The following CLEC12A variants were observed in gnomAD, a reference collection of about 807,000 sequenced individuals.
CLEC12A encodes C-type lectin domain family 12 member A.
In CLEC12A, 22 loss-of-function variants were observed where a neutral mutation model predicts 26.5. The observed-to-expected ratio is 0.83, with a 90% confidence interval of 0.59 to 1.19. The LOEUF (loss-of-function observed/expected upper bound fraction) is 1.19. Ranked by LOEUF, CLEC12A falls within the 50% of genes most tolerant of loss-of-function variation. CLEC12A has a pLI of 0.00. For missense variants in CLEC12A, 353 were observed against 315.6 expected (o/e 1.12, Z -0.90); for synonymous variants, 119 against 101.9 (o/e 1.17, Z -1.01).
downstream of CLEC12A, chr12:9,998,235 C>T: frequency 7.1e-7 from 1 of 1,414,548 alleles, no homozygotes. Flanking sequence ...CATGACCCTT[C>T]AGTATTACCT....
At chr12:9,972,100 A>C (rs997093872) in intron 1 of CLEC12A, among the ~76,000 whole-genome samples, 8 of 151,836 alleles carry the variant, frequency 5.3e-5, no homozygotes, top group African/African-American at 1.9e-4. Context: ...TCAGACAGAG[A>C]GACCTTTATA....
At position 9,980,693 on chromosome 12, in the gene CLEC12A, A is replaced by G. The variant is rs1864523033; in HGVS notation, c.491A>G (p.Gln164Arg). ...GAGAGTAAAATGGCCTGTGCTGCTCAGAATGCCAGCCTGTTGAAGATAAAC... is the reference window on the plus strand; with the variant it reads ...GAGAGTAAAATGGCCTGTGCTGCTCGGAATGCCAGCCTGTTGAAGATAAAC... ...WQESKMACAAQNASLLKINNK... is the reference protein window; with the variant it reads ...WQESKMACAARNASLLKINNK... Residue 164 changes from glutamine (Q) to arginine (R), a missense_variant, in exon 4 of 6, where the codon CAG (glutamine) becomes CGG (arginine). Gln to Arg is a conservative substitution (Grantham distance 43, BLOSUM62 1). Transcript: ENST00000304361. 6.2e-7 allele frequency: 1 copy of G among 1,613,764 alleles called. No homozygotes were observed. The highest frequency in any genetic ancestry group is 8.5e-7 in the Non-Finnish European group (1 of 1,179,796).
chr12:10,002,438 ATG>A, the CLEC12A span, among the ~76,000 whole-genome samples: 1 of 127,508 alleles, frequency 7.8e-6, no homozygotes. Flanking sequence ...AAGTTGGGTA[ATG>A]TTTTTTTTTT....
downstream of CLEC12A, chr12:9,997,416 T>C: frequency 1.3e-6 from 1 of 750,850 alleles, no homozygotes; most frequent in Non-Finnish European, 2.1e-6. Flanking sequence ...TAAATGAATG[T>C]TGAAAAGTGT....
In CLEC12A at chr12:9,978,991, G is replaced by A; in HGVS notation, c.117G>A (p.Trp39Ter). Reference sequence around the variant, plus strand: ...CACCTCCAGCTCCCTCTCATGTATGGCGTCCAGCAGCCTTGTTTCTGACTC... The same window carrying A: ...CACCTCCAGCTCCCTCTCATGTATGACGTCCAGCAGCCTTGTTTCTGACTC... The part of the protein sequence containing the change: ...EKAPPAPSHV[W>*]RPAALFLTLL... Residue 39 changes from tryptophan (W) to a stop codon, truncating the protein, a stop_gained, in exon 2 of 6, where the codon TGG (tryptophan) becomes TGA (stop). Coordinates refer to ENST00000304361, the MANE Select transcript of CLEC12A (RefSeq NM_138337.6). LOFTEE classifies it high-confidence loss of function. 6.2e-7 allele frequency: 1 copy of A among 1,613,840 alleles called. No individual in the cohort carries two copies. Among genetic ancestry groups the A allele is most frequent in the South Asian group, 1.1e-5 (1 of 91,074 alleles).
intron 3 of CLEC12A, 107 bp from the exon 4 acceptor site, chr12:9,980,475 G>T: frequency 5.5e-6 from 6 of 1,096,208 alleles, no homozygotes; most frequent in South Asian, 1.7e-5. Flanking sequence ...GAAAAAGAAA[G>T]AAGAATAAAC....
intron 1 of CLEC12A, among the ~76,000 whole-genome samples, chr12:9,957,609 G>A (rs971895933): frequency 3.3e-5 from 5 of 152,132 alleles, no homozygotes; most frequent in Admixed American, 1.3e-4. Flanking sequence ...GTGAGAGTGG[G>A]GTAAAGAAAT....
chr12:9,976,962 C>G (rs1371802410), intron 1 of CLEC12A, among the ~76,000 whole-genome samples: 1 of 152,144 alleles, frequency 6.6e-6, no homozygotes. Flanking sequence ...TCACCTTCCA[C>G]CATGATTGTG....
Position 9,955,006 on chromosome 12 carries a change from T to C in CLEC12A, c.10+3650T>C, listed in dbSNP as rs188334409. ...TATCTTTGTGTGATTTTTTGATAAA[T>C]AAGACTAATTTAATGTCGTTAGGTT... On this transcript the variant is annotated intron_variant, in intron 1 of 6. Coordinates refer to the CLEC12A transcript ENST00000355690. 2.6e-5 allele frequency among the ~76,000 whole-genome samples: 4 copies of C among 152,328 alleles called. No homozygotes were observed. In the East Asian group the frequency reaches 7.7e-4, roughly 29 times the overall value.
chr12:9,962,496 T>A (rs942784046), intron 1 of CLEC12A, among the ~76,000 whole-genome samples: 1 of 152,098 alleles, frequency 6.6e-6, no homozygotes, highest in Non-Finnish European at 1.5e-5. Context: ...CAAGGCTGTT[T>A]ATTTCACCTG....
intron 1 of CLEC12A, among the ~76,000 whole-genome samples, chr12:9,976,669 A>G (rs1864349701): frequency 6.6e-6 from 1 of 152,124 alleles, no homozygotes; most frequent in Non-Finnish European, 1.5e-5. Context: ...GGAAGGCATG[A>G]TTGGTTTTGA....
At chr12:9,974,172 C>T (rs1864242507) in intron 1 of CLEC12A, among the ~76,000 whole-genome samples, 1 of 152,160 alleles carries the variant, frequency 6.6e-6, no homozygotes, top group Non-Finnish European at 1.5e-5. Flanking sequence ...TTCCCTGCAG[C>T]ATTGAAAAAG....
At chr12:9,982,669 C>T (rs1031317718) in intron 5 of CLEC12A, among the ~76,000 whole-genome samples, 9 of 151,936 alleles carry the variant, frequency 5.9e-5, no homozygotes, top group African/African-American at 1.9e-4. Context: ...TTAGGGGGTA[C>T]GATTGCAATT....
chr12:9,963,663 A>C (rs1462652425), intron 1 of CLEC12A, among the ~76,000 whole-genome samples: 1 of 152,196 alleles, frequency 6.6e-6, no homozygotes, highest in Non-Finnish European at 1.5e-5. Flanking sequence ...AGGAGTAAGG[A>C]AAACTAGTGT....
At chr12:9,983,228 T>G (rs1200564795) in intron 5 of CLEC12A, among the ~76,000 whole-genome samples, 3 of 152,102 alleles carry the variant, frequency 2.0e-5, no homozygotes, top group Non-Finnish European at 4.4e-5. Context: ...TTTGAAAAAT[T>G]GCCATAGAGT....
the CLEC12A span, among the ~76,000 whole-genome samples, chr12:10,003,871 G>C: frequency 1.3e-5 from 2 of 152,162 alleles, no homozygotes; most frequent in Non-Finnish European, 2.9e-5. Flanking sequence ...AGCCAAAATT[G>C]TGCCATTGCA....
At chr12:9,976,459 G>C (rs1191759799) in intron 1 of CLEC12A, among the ~76,000 whole-genome samples, 4 of 152,198 alleles carry the variant, frequency 2.6e-5, no homozygotes, top group African/African-American at 9.7e-5. Context: ...CATGGGGCCT[G>C]TAGCCCCTTT....
chr12:10,004,268 G>A, the CLEC12A span, among the ~76,000 whole-genome samples: 1 of 152,220 alleles, frequency 6.6e-6, no homozygotes, highest in Non-Finnish European at 1.5e-5. Context: ...CTTTTCTCAA[G>A]GGCAGAGGGC....
chr12:9,992,651 T>C (rs1265848177), intron 4 of CLEC12A: 2 of 152,476 alleles, frequency 1.3e-5, no homozygotes, highest in African/African-American at 2.4e-5. Context: ...TTAAAGAGGT[T>C]ATGAAACTTG....
Sources: allele counts gnomAD v4.1 joint callset (sites outside exome capture counted in the v4.1 genomes callset), GRCh38; gene constraint gnomAD v4.1.1; transcripts MANE v1.5; gene names NCBI Gene and HGNC (gene_info 2026-07-23, HGNC 2026-07-21).